CAMK2A: variants seen among roughly 807,000 people sequenced by gnomAD.
CAMK2A encodes the protein calcium/calmodulin-dependent protein kinase type II subunit alpha.
Under a neutral mutation model 79.2 loss-of-function variants are expected in CAMK2A, and 7 were observed. That is an observed-to-expected ratio of 0.09 (90% CI 0.05 to 0.17). The LOEUF is 0.17. Ranked by LOEUF, CAMK2A falls within the 10% of genes least tolerant of loss-of-function variation. CAMK2A has a pLI of 1.00. For missense variants in CAMK2A, 214 were observed against 646.4 expected (o/e 0.33, Z 7.25); for synonymous variants, 242 against 251.7 (o/e 0.96, Z 0.36).
At chr5:150,238,470 TAAATA>T in intron 15 of CAMK2A, 1 of 502,000 alleles carries the variant, frequency 2.0e-6, no homozygotes, top group Non-Finnish European at 3.6e-6. Flanking sequence ...AAAATAAAAA[TAAATA>T]AAATAAGAAA....
chr5:150,224,095 C>G (rs1460609016), intron 17 of CAMK2A, among the ~76,000 whole-genome samples: 1 of 152,164 alleles, frequency 6.6e-6, no homozygotes, highest in East Asian at 1.9e-4. Context: ...CTCTTGGAAT[C>G]ATGATGGGGC....
At chr5:150,239,109 AAG>A (rs146866317) in intron 14 of CAMK2A, among the ~76,000 whole-genome samples, 1 of 151,416 alleles carries the variant, frequency 6.6e-6, no homozygotes, top group Non-Finnish European at 1.5e-5. Flanking sequence ...GCAGGGGAGG[AAG>A]AGAGAGAGAG....
intron 1 of CAMK2A, among the ~76,000 whole-genome samples, chr5:150,286,493 G>A (rs1757431063): frequency 6.6e-6 from 1 of 152,250 alleles, no homozygotes; most frequent in Admixed American, 6.5e-5. Flanking sequence ...CCCTCCAGAG[G>A]GATTTGCCCT....
intron 1 of CAMK2A, among the ~76,000 whole-genome samples, chr5:150,285,894 C>T (rs969107956): frequency 1.3e-5 from 2 of 152,172 alleles, no homozygotes; most frequent in Non-Finnish European, 2.9e-5. Flanking sequence ...ATCAGAAGCC[C>T]GGAGAATGCC....
intron 12 of CAMK2A, among the ~76,000 whole-genome samples, chr5:150,247,357 G>A (rs568050186): frequency 6.6e-6 from 1 of 152,356 alleles, no homozygotes; most frequent in South Asian, 2.1e-4. Context: ...CTGCTGCCTT[G>A]TCATGTAGGC....
intron 14 of CAMK2A, among the ~76,000 whole-genome samples, chr5:150,239,412 G>A (rs995398272): frequency 6.6e-6 from 1 of 152,200 alleles, no homozygotes; most frequent in Non-Finnish European, 1.5e-5. Context: ...AGGGAGAAGC[G>A]AGAAGCCAAG....
chr5:150,267,156 C>T (rs1351940815), intron 2 of CAMK2A, among the ~76,000 whole-genome samples: 2 of 152,218 alleles, frequency 1.3e-5, no homozygotes, highest in African/African-American at 4.8e-5. Flanking sequence ...CTTTCATATC[C>T]TCCAGGGTAG....
chr5:150,248,533 T>C (rs918499407), intron 11 of CAMK2A, among the ~76,000 whole-genome samples: 3 of 132,592 alleles, frequency 2.3e-5, no homozygotes, highest in African/African-American at 8.5e-5. Flanking sequence ...CCCCTTCCTG[T>C]GTCCAAGTGT....
At chr5:150,285,778 T>C (rs1757399359) in intron 1 of CAMK2A, among the ~76,000 whole-genome samples, 1 of 152,086 alleles carries the variant, frequency 6.6e-6, no homozygotes, top group Non-Finnish European at 1.5e-5. Context: ...TCCCTCTCTC[T>C]CCCTCTCTCA....
At chr5:150,278,890 C>G (rs191451340) in intron 1 of CAMK2A, among the ~76,000 whole-genome samples, 10 of 152,082 alleles carry the variant, frequency 6.6e-5, no homozygotes, top group Non-Finnish European at 1.5e-4. Flanking sequence ...CGTGCATCCA[C>G]GTGAGCCAGA....
chr5:150,238,554 T>G, intron 15 of CAMK2A, 146 bp downstream of exon 15: 1 of 792,936 alleles, frequency 1.3e-6, no homozygotes. Context: ...CCTCCCAGTG[T>G]GCCCAGTTTA....
chr5:150,222,932 A>G, intron 18 of CAMK2A, 57 bp downstream of exon 18: 1 of 1,543,184 alleles, frequency 6.5e-7, no homozygotes, highest in Non-Finnish European at 9.0e-7. Flanking sequence ...AACCCCCTCC[A>G]GGGCAACACT....
Position 150,289,687 on chromosome 5 carries a change from T to C in CAMK2A, c.-62A>G, listed in dbSNP as rs1317474991. 2 of 1,390,718 alleles carry C rather than the reference T, an allele frequency of 1.4e-6. No individual in the cohort carries two copies. Among genetic ancestry groups the C allele is most frequent in the African/African-American group, 2.8e-5 (2 of 70,672 alleles). The allele number at this position is 1,390,718 out of a possible 1,614,324, so 86.1% of individuals were successfully genotyped here. A position where few individuals can be genotyped will look rare whatever the true frequency, so the allele number is the denominator to read the frequency against. On this transcript the variant is annotated 5_prime_UTR_variant, in exon 1 of 19. Coordinates refer to ENST00000671881, the MANE Select transcript of CAMK2A (RefSeq NM_015981.4). ...GGGACCAGGACTGAGGCGCTGCTGC[T>C]CTGCTCCCGAACCTAGGGACCACTT...
At chr5:150,240,847 C>T (rs913546703) in intron 13 of CAMK2A, among the ~76,000 whole-genome samples, 1 of 152,246 alleles carries the variant, frequency 6.6e-6, no homozygotes, top group African/African-American at 2.4e-5. Context: ...ATTCTAGATG[C>T]CCTTATACCA....
At chr5:150,247,166 G>A (rs7735373) in intron 12 of CAMK2A, among the ~76,000 whole-genome samples, 5,491 of 152,350 alleles carry the variant, frequency 0.036, 333 homozygotes, top group African/African-American at 0.12. Flanking sequence ...GGACGCTCCT[G>A]CCCTGGACTC....
chr5:150,271,316 C>T (rs192884697), intron 2 of CAMK2A, among the ~76,000 whole-genome samples: 193 of 152,346 alleles, frequency 1.3e-3, no homozygotes, highest in Non-Finnish European at 2.0e-3. Flanking sequence ...ACCCCAGCCA[C>T]CCCCTCTGCT....
At chr5:150,234,434 A>G (rs759955233) in intron 15 of CAMK2A, among the ~76,000 whole-genome samples, 3 of 152,110 alleles carry the variant, frequency 2.0e-5, no homozygotes, top group Admixed American at 6.5e-5. Context: ...CAGTTTCCCT[A>G]TATGTATAAT....
At chr5:150,230,793 G>A (rs1360487356) in intron 16 of CAMK2A, among the ~76,000 whole-genome samples, 1 of 152,232 alleles carries the variant, frequency 6.6e-6, no homozygotes, top group Non-Finnish European at 1.5e-5. Flanking sequence ...TCTCAGAGGA[G>A]TTCAGATTCT....
chr5:150,261,719 A>T (rs1285366807), intron 3 of CAMK2A, among the ~76,000 whole-genome samples: 1 of 152,158 alleles, frequency 6.6e-6, no homozygotes, highest in Non-Finnish European at 1.5e-5. Context: ...AGGGCTCTGG[A>T]GTCAGACTTG....
Sources: allele counts gnomAD v4.1 joint callset (sites outside exome capture counted in the v4.1 genomes callset), GRCh38; gene constraint gnomAD v4.1.1; transcripts MANE v1.5; gene names NCBI Gene and HGNC (gene_info 2026-07-23, HGNC 2026-07-21).